The following SNX30 variants were observed in gnomAD, a reference collection of about 807,000 sequenced individuals.
SNX30 encodes sorting nexin-30.
Under a neutral mutation model 46.4 loss-of-function variants are expected in SNX30, and 24 were observed. The observed-to-expected ratio is 0.52, with a 90% CI of 0.37 to 0.73. The LOEUF is 0.73. Ranked by LOEUF, SNX30 falls within the 30% of genes least tolerant of loss-of-function variation. SNX30 has a pLI of 0.00. For synonymous variants in SNX30, 189 were observed against 211.5 expected (o/e 0.89, Z 0.92); for missense variants, 533 against 555.7 (o/e 0.96, Z 0.41).
chr9:112,866,450 G>GT (rs1841345617), intron 8 of SNX30: 1 of 470,748 alleles, frequency 2.1e-6, no homozygotes, highest in African/African-American at 2.0e-5. Context: ...TAGAAAACTG[G>GT]TATGGCCTTG....
chr9:112,875,651 G>C (rs775625934), downstream of SNX30, among the ~76,000 whole-genome samples: 9 of 152,216 alleles, frequency 5.9e-5, no homozygotes, highest in Admixed American at 4.6e-4. Context: ...ATGTCAGGCA[G>C]CTTCTCACTG....
At chr9:112,817,325 AATCAAATGTTTCTAAAC>A (rs1202428278) in intron 2 of SNX30, among the ~76,000 whole-genome samples, 2 of 145,402 alleles carry the variant, frequency 1.4e-5, no homozygotes, top group Non-Finnish European at 3.0e-5. Context: ...GGAGGAAATG[AATCAAATGTTTCTAAAC>A]AATTCTGGGG....
intron 1 of SNX30, among the ~76,000 whole-genome samples, chr9:112,784,191 C>G (rs532766613): frequency 3.3e-5 from 5 of 152,270 alleles, no homozygotes; most frequent in South Asian, 2.1e-4. Context: ...GCCCTTGCCT[C>G]TCCTGGCACC....
At chr9:112,853,181 G>A (rs532532186) in intron 7 of SNX30, among the ~76,000 whole-genome samples, 6 of 152,338 alleles carry the variant, frequency 3.9e-5, no homozygotes, top group East Asian at 3.9e-4. Flanking sequence ...ACACCAGAGC[G>A]TAAAGGCTGC....
chr9:112,812,200 G>A (rs945409483), intron 2 of SNX30, among the ~76,000 whole-genome samples: 4 of 152,032 alleles, frequency 2.6e-5, no homozygotes, highest in Non-Finnish European at 2.9e-5. Context: ...AGAACAAATT[G>A]TGGTAAAAAT....
rs1441896746 is a variant in SNX30 at position 112,804,880 on chromosome 9, G to A, written c.261G>A (p.Glu87=). ...AGCTTGATGATGATATTGATGGTGA[G>A]ACTAGAGATCTCTTCGTTATAGTTG... ...RLQLDDDIDG[E]TRDLFVIVDD... Residue 87 remains glutamate, a synonymous_variant, in exon 2 of 9, where the codon GAG becomes GAA. Coordinates refer to ENST00000374232, the MANE Select transcript of SNX30 (RefSeq NM_001012994.2). 32 of 1,613,930 alleles carry A rather than the reference G, an allele frequency of 2.0e-5. No homozygotes were observed. Among genetic ancestry groups the A allele is most frequent in the Non-Finnish European group, 2.7e-5 (32 of 1,179,918 alleles).
At chr9:112,766,613 G>A (rs921876947) in intron 1 of SNX30, among the ~76,000 whole-genome samples, 1 of 152,146 alleles carries the variant, frequency 6.6e-6, no homozygotes, top group Non-Finnish European at 1.5e-5. Flanking sequence ...AATGACTGCT[G>A]CCATTCTCTG....
intron 1 of SNX30, among the ~76,000 whole-genome samples, chr9:112,774,954 C>T (rs1007638936): frequency 6.6e-6 from 1 of 150,412 alleles, no homozygotes; most frequent in African/African-American, 2.4e-5. Context: ...AAGCGATTCT[C>T]ATGCCTCAGC....
At chr9:112,823,440 C>A (rs10817390) in intron 3 of SNX30, among the ~76,000 whole-genome samples, 1 of 152,186 alleles carries the variant, frequency 6.6e-6, no homozygotes, top group Non-Finnish European at 1.5e-5. Flanking sequence ...TTTTCTGCTT[C>A]GGTATTTGTT....
chr9:112,777,661 G>T lies in SNX30; in HGVS notation c.156+26504G>T, dbSNP rs12006449. Among the ~76,000 whole-genome samples, 478 of 114,552 alleles carry T rather than the reference G, an allele frequency of 4.2e-3. 7 individuals carry two copies. Among genetic ancestry groups the T allele is most frequent in the African/African-American group, 0.015 (447 of 28,914 alleles). The allele number at this position is 114,552 out of a possible 152,430, so 75.2% of individuals were successfully genotyped here. On this transcript the variant is annotated intron_variant, in intron 1 of 8. Coordinates refer to ENST00000374232, the MANE Select transcript of SNX30 (RefSeq NM_001012994.2). ...TGGGTCTCACTATGTTGCCCAGACTGGTCTTAATACTCCTAGCCTCAAGTG... is the reference window on the plus strand; with the variant it reads ...TGGGTCTCACTATGTTGCCCAGACTTGTCTTAATACTCCTAGCCTCAAGTG...
chr9:112,838,835 C>A, intron 6 of SNX30, 138 bp downstream of exon 6: 1 of 688,158 alleles, frequency 1.5e-6, no homozygotes, highest in Non-Finnish European at 2.4e-6. Context: ...CGTGGACTGA[C>A]ATCATGGACA....
intron 4 of SNX30, among the ~76,000 whole-genome samples, chr9:112,833,677 C>G (rs1840704642): frequency 6.6e-6 from 1 of 152,118 alleles, no homozygotes; most frequent in Admixed American, 6.5e-5. Flanking sequence ...GACACGCTTT[C>G]AAAGCTCTAC....
intron 7 of SNX30, among the ~76,000 whole-genome samples, chr9:112,858,153 A>G (rs905138081): frequency 1.3e-5 from 2 of 152,224 alleles, no homozygotes; most frequent in South Asian, 4.1e-4. Flanking sequence ...TGCCATGTCA[A>G]CATCCTTCAG....
chr9:112,838,105 T>C (rs1840793234), intron 5 of SNX30, among the ~76,000 whole-genome samples: 1 of 151,676 alleles, frequency 6.6e-6, no homozygotes, highest in African/African-American at 2.4e-5. Context: ...GTTAGCAGGA[T>C]GGTCTCGATC....
At chr9:112,762,244 G>A (rs1470646310) in intron 1 of SNX30, among the ~76,000 whole-genome samples, 2 of 152,050 alleles carry the variant, frequency 1.3e-5, no homozygotes, top group Non-Finnish European at 2.9e-5. Flanking sequence ...GTTGGTGGGG[G>A]GGAAGTGGGA....
At chr9:112,828,358 G>T (rs1250925943) in intron 3 of SNX30, among the ~76,000 whole-genome samples, 1 of 152,166 alleles carries the variant, frequency 6.6e-6, no homozygotes, top group Non-Finnish European at 1.5e-5. Context: ...AGGAGCAATA[G>T]CCTATACCGT....
Position 112,838,726 on chromosome 9 carries a change from C to T in SNX30, c.1014+29C>T, listed in dbSNP as rs758774953. On this transcript the variant is annotated intron_variant, in intron 6 of 8. Transcript: ENST00000374232. Reference sequence around the variant, plus strand: ...AGCTGGCTTGCTTCTTGTGTATTTGCATACTTTCTTTGTAATAGCAGTTAT... The same window carrying T: ...AGCTGGCTTGCTTCTTGTGTATTTGTATACTTTCTTTGTAATAGCAGTTAT... 8.1e-6 allele frequency: 13 copies of T among 1,596,916 alleles called. No individual in the cohort carries two copies. The Admixed American group carries it at 2.2e-4, about 27-fold the overall frequency.
At chr9:112,784,907 C>T (rs967281817) in intron 1 of SNX30, among the ~76,000 whole-genome samples, 2 of 152,148 alleles carry the variant, frequency 1.3e-5, no homozygotes, top group African/African-American at 4.8e-5. Context: ...TTATTGGCTC[C>T]CTTTCCTCCA....
intron 6 of SNX30, among the ~76,000 whole-genome samples, chr9:112,850,255 C>T (rs1315231186): frequency 6.6e-6 from 1 of 152,196 alleles, no homozygotes; most frequent in East Asian, 1.9e-4. Context: ...ACAGGTATAG[C>T]CCCTTTAGCA....
Sources: gnomAD v4.1 joint callset for allele counts (sites outside exome capture counted in the v4.1 genomes callset) on GRCh38, gnomAD v4.1.1 for gene constraint, MANE v1.5 for transcripts, NCBI Gene and HGNC (gene_info 2026-07-23, HGNC 2026-07-21) for gene names.